Variants in ABI1 observed in about 807,000 individuals in gnomAD.
The protein encoded by ABI1 is Abelson interactor 1.
In ABI1, 14 loss-of-function variants were observed where a neutral mutation model predicts 54.6. That is an observed-to-expected ratio of 0.26 (90% CI 0.17 to 0.40). The LOEUF is 0.40. ABI1 is among the 10% of genes least tolerant of loss of function. The pLI is 1.00. For synonymous variants in ABI1, 194 were observed against 209.3 expected (o/e 0.93, Z 0.63); for missense variants, 443 against 598.3 (o/e 0.74, Z 2.71).
intron 1 of ABI1, among the ~76,000 whole-genome samples, chr10:26,849,936 T>C (rs902127525): frequency 6.6e-6 from 1 of 152,258 alleles, no homozygotes; most frequent in Non-Finnish European, 1.5e-5. Flanking sequence ...AAAATATTTA[T>C]TGATATAGTT....
intron 1 of ABI1, among the ~76,000 whole-genome samples, chr10:26,840,749 A>T (rs1023541173): frequency 3.3e-5 from 5 of 152,196 alleles, no homozygotes; most frequent in Non-Finnish European, 5.9e-5. Flanking sequence ...CACAGAAACA[A>T]GAGACAAAAA....
chr10:26,779,951 G>A (rs562744604), intron 2 of ABI1, among the ~76,000 whole-genome samples: 2 of 152,252 alleles, frequency 1.3e-5, no homozygotes, highest in South Asian at 4.1e-4. Context: ...AAAGAATCTA[G>A]ATAATTCTTG....
chr10:26,795,016 C>G (rs754531404), intron 2 of ABI1, among the ~76,000 whole-genome samples: 7 of 151,824 alleles, frequency 4.6e-5, no homozygotes, highest in Non-Finnish European at 8.8e-5. Flanking sequence ...TGGTGGCGCA[C>G]GCCTGTAATC....
intron 3 of ABI1, 53 bp from the exon 4 acceptor site, chr10:26,771,142 G>A: frequency 6.3e-7 from 1 of 1,586,314 alleles, no homozygotes; most frequent in Non-Finnish European, 8.7e-7. Context: ...TGCTAGGTAA[G>A]TTATATCCGA....
rs570658458 is a variant in ABI1, at chr10:26,848,975, C to A, written c.117+11772G>T. Among the ~76,000 whole-genome samples, 18 of 152,148 alleles carry A rather than the reference C, an allele frequency of 1.2e-4. No homozygotes were observed. The South Asian group carries it at 3.5e-3, about 30-fold the overall frequency. ...GGCAACTACATTAGTCAGGGATGCT[C>A]AATATACATAGTAGTATACAATGAT... On this transcript the variant is annotated intron_variant, in intron 1 of 10. Transcript: ENST00000376140.
At chr10:26,766,188 G>C (rs2132664170) in intron 6 of ABI1, among the ~76,000 whole-genome samples, 1 of 152,302 alleles carries the variant, frequency 6.6e-6, no homozygotes, top group South Asian at 2.1e-4. Context: ...AGACAATAGT[G>C]AAGTTTCAGT....
chr10:26,763,742 A>G, intron 7 of ABI1: 1 of 683,392 alleles, frequency 1.5e-6, no homozygotes, highest in Non-Finnish European at 2.5e-6. Context: ...AGTTAGTGAT[A>G]TTAGATTTAA....
intron 2 of ABI1, among the ~76,000 whole-genome samples, chr10:26,818,062 G>A (rs1261329241): frequency 1.3e-5 from 2 of 149,444 alleles, no homozygotes; most frequent in Non-Finnish European, 3.0e-5. Flanking sequence ...GGGAGGCTGA[G>A]GCAGGAGGAT....
At position 26,860,611 on chromosome 10, in the gene ABI1, G is replaced by C; in HGVS notation, c.117+136C>G. 1 of 697,760 alleles carries C rather than the reference G, an allele frequency of 1.4e-6. No homozygotes were observed. Among genetic ancestry groups the C allele is most frequent in the South Asian group, 1.6e-5 (1 of 61,178 alleles). The allele number at this position is 697,760 out of a possible 1,614,324, so 43.2% of individuals were successfully genotyped here. Reference sequence around the variant, plus strand: ...CTCGCTCTGTCCCCGGTTGGGGCTGGGGTTGGGGCTGCGGTAGGGGCTCGG... The same window carrying C: ...CTCGCTCTGTCCCCGGTTGGGGCTGCGGTTGGGGCTGCGGTAGGGGCTCGG... On this transcript the variant is annotated intron_variant, in intron 1 of 10. Coordinates refer to ENST00000376140, the MANE Select transcript of ABI1 (RefSeq NM_001012750.3). This position sits in a 1 kb window ranked among gnomAD's most constrained non-coding sequence, Gnocchi z 4.1.
At chr10:26,813,031 T>C (rs2047336338) in intron 2 of ABI1, among the ~76,000 whole-genome samples, 2 of 152,006 alleles carry the variant, frequency 1.3e-5, no homozygotes, top group Admixed American at 6.6e-5. Flanking sequence ...GGTGGATCAC[T>C]TGAGGTCAGG....
chr10:26,857,320 C>CAAAAAAA (rs71403897), intron 1 of ABI1, among the ~76,000 whole-genome samples: 2 of 75,964 alleles, frequency 2.6e-5, no homozygotes, highest in African/African-American at 4.0e-5. Context: ...GACTCCATCT[C>CAAAAAAA]AAAAAAAAAA....
chr10:26,832,321 T>G (rs550734054), intron 1 of ABI1, among the ~76,000 whole-genome samples: 33 of 152,138 alleles, frequency 2.2e-4, no homozygotes, highest in African/African-American at 3.6e-4. Context: ...AGTGGCTCAC[T>G]CCTGTAATCC....
intron 1 of ABI1, among the ~76,000 whole-genome samples, chr10:26,838,602 T>C (rs1311898072): frequency 6.6e-6 from 1 of 152,126 alleles, no homozygotes; most frequent in Non-Finnish European, 1.5e-5. Context: ...AAAGAATTTT[T>C]AGGAAGAAAA....
intron 9 of ABI1, 132 bp downstream of exon 9, chr10:26,755,523 A>G: frequency 1.5e-6 from 1 of 652,880 alleles, no homozygotes; most frequent in Non-Finnish European, 2.6e-6. Flanking sequence ...CTTCAGTTTC[A>G]GTAACATGTC....
chr10:26,770,387 G>C, intron 4 of ABI1, 42 bp from the exon 5 acceptor site: 3 of 1,542,058 alleles, frequency 1.9e-6, no homozygotes, highest in Non-Finnish European at 1.8e-6. Flanking sequence ...ATATCAAATT[G>C]TTCTCCTGGT....
rs1554806745 is a variant in ABI1, at chr10:26,761,659, T to TATAC, written c.821-2425_821-2422dup. On this transcript the variant is annotated intron_variant, in intron 7 of 10. Coordinates refer to ENST00000376140, the MANE Select transcript of ABI1 (RefSeq NM_001012750.3). ...ATATATATATATATATATATATATA[T>TATAC]ATACACACACACATACACATATATA... is the stretch of plus-strand genomic sequence containing the variant. 3.7e-4 allele frequency among the ~76,000 whole-genome samples: 33 copies of TATAC among 88,138 alleles called. 1 individual carries two copies. The highest frequency in any genetic ancestry group is 1.3e-3 in the African/African-American group (26 of 19,800). 57.8% of individuals were successfully genotyped at this position (88,138 alleles called of 152,430 possible).
intron 2 of ABI1, among the ~76,000 whole-genome samples, chr10:26,785,911 C>A (rs905721810): frequency 6.6e-6 from 1 of 152,086 alleles, no homozygotes; most frequent in Non-Finnish European, 1.5e-5. Flanking sequence ...CTCTGTGGAG[C>A]AGTGGGCTTG....
At chr10:26,769,639 G>A (rs1460075464) in intron 5 of ABI1, among the ~76,000 whole-genome samples, 1 of 152,168 alleles carries the variant, frequency 6.6e-6, no homozygotes, top group Non-Finnish European at 1.5e-5. Flanking sequence ...GCTTTGACAA[G>A]TATTCGCTAT....
chr10:26,797,121 T>G (rs1383155591), intron 2 of ABI1, among the ~76,000 whole-genome samples: 1 of 152,184 alleles, frequency 6.6e-6, no homozygotes, highest in Non-Finnish European at 1.5e-5. Context: ...ACAGTAAAAT[T>G]TATTTTTTAA....
Sources: gnomAD v4.1 joint callset for allele counts (sites outside exome capture counted in the v4.1 genomes callset) on GRCh38, gnomAD v4.1.1 for gene constraint, Gnocchi (gnomAD v3.1) non-coding constraint, MANE v1.5 for transcripts, NCBI Gene and HGNC (gene_info 2026-07-23, HGNC 2026-07-21) for gene names.